Variants in SCLT1 observed in about 807,000 individuals in gnomAD.
SCLT1 encodes the protein sodium channel and clathrin linker 1.
SCLT1 carries 78 observed loss-of-function variants against 112.8 expected under a neutral mutation model. The observed-to-expected ratio is 0.69, with a 90% CI of 0.58 to 0.83. SCLT1 has a LOEUF of 0.83. Ranked by LOEUF, SCLT1 falls within the 40% of genes least tolerant of loss-of-function variation. The probability of loss-of-function intolerance (pLI) is 0.00; values close to 1 mark genes in which losing one functional copy is unlikely to be tolerated. For missense variants in SCLT1, 747 were observed against 770.4 expected (o/e 0.97, Z 0.36); for synonymous variants, 257 against 254.7 (o/e 1.01, Z -0.09).
At chr4:129,026,673 T>C (rs1746120430) in intron 5 of SCLT1, among the ~76,000 whole-genome samples, 2 of 152,114 alleles carry the variant, frequency 1.3e-5, no homozygotes, top group African/African-American at 4.8e-5. Flanking sequence ...ATTCAAAAGC[T>C]AGCAGAAGGC....
Position 128,943,039 on chromosome 4 carries a change from A to C in SCLT1, c.1589T>G (p.Leu530Ter), listed in dbSNP as rs779072100. 2 of 1,612,786 alleles carry C rather than the reference A, an allele frequency of 1.2e-6. No homozygotes were observed. Among genetic ancestry groups the C allele is most frequent in the African/African-American group, 2.7e-5 (2 of 74,832 alleles). The change falls in exon 17 of 21, where the codon TTA becomes TGA. Residue 530 changes from leucine to a stop codon, truncating the protein, a stop_gained. Transcript: ENST00000281142. LOFTEE classifies it high-confidence loss of function. ...TTGAGCCTCCAGGGCAATCTTCCTT[A>C]AACTCTCAGTCTCTTTCCGTAACTG... ...NKQLRKETES[L>*]RKIALEAQKK...
chr4:128,930,608 G>A (rs531619601), intron 18 of SCLT1, among the ~76,000 whole-genome samples: 8 of 152,136 alleles, frequency 5.3e-5, no homozygotes, highest in Non-Finnish European at 1.2e-4. Context: ...AATAGGACTC[G>A]GTTACTGAAA....
intron 9 of SCLT1, among the ~76,000 whole-genome samples, chr4:128,985,712 T>C (rs945874365): frequency 2.6e-5 from 4 of 152,194 alleles, no homozygotes; most frequent in Non-Finnish European, 5.9e-5. Flanking sequence ...CTTTTTGGCT[T>C]GTATTTAAAT....
intron 18 of SCLT1, among the ~76,000 whole-genome samples, chr4:128,896,474 G>A (rs949267109): frequency 6.6e-6 from 1 of 152,214 alleles, no homozygotes; most frequent in South Asian, 2.1e-4. Flanking sequence ...CTGACTGTCA[G>A]AAGGAAAACT....
At chr4:128,901,483 G>T (rs1331253494) in intron 18 of SCLT1, among the ~76,000 whole-genome samples, 1 of 148,828 alleles carries the variant, frequency 6.7e-6, no homozygotes, top group Non-Finnish European at 1.5e-5. Flanking sequence ...AGAACACAGG[G>T]ACACAGGAAG....
At position 128,965,267 on chromosome 4, in the gene SCLT1, A is replaced by C. The variant is rs1489233103; in HGVS notation, c.829T>G (p.Leu277Val). The change falls in exon 11 of 21, where the codon TTA becomes GTA. Residue 277 changes from leucine (L) to valine (V), a missense_variant. Leu to Val is a conservative substitution (Grantham distance 32). Transcript: ENST00000281142. ...HGREEASDRR[L>V]QQLQSSIKQL... The stretch of plus-strand genomic sequence containing the variant: ...TTTATACTAGACTGTAACTGCTGTA[A>C]ACGCCTATCTGATGCTTCCTCTCTT... 1.9e-6 allele frequency: 3 copies of C among 1,610,098 alleles called. No individual in the cohort carries two copies. The highest frequency in any genetic ancestry group is 1.7e-5 in the Admixed American group (1 of 59,930).
At chr4:128,954,011 C>T (rs1374002243) in intron 13 of SCLT1, among the ~76,000 whole-genome samples, 1 of 151,972 alleles carries the variant, frequency 6.6e-6, no homozygotes, top group Non-Finnish European at 1.5e-5. Context: ...TATTAATGTG[C>T]ACAGAGCATT....
chr4:129,037,005 T>G (rs952907272), intron 5 of SCLT1: 1 of 151,940 alleles, frequency 6.6e-6, no homozygotes, highest in Non-Finnish European at 1.5e-5. Flanking sequence ...TGGGTTAAAG[T>G]TAAGAAACTT....
intron 4 of SCLT1, chr4:129,039,813 C>T (rs528465965): frequency 4.0e-5 from 7 of 176,934 alleles, no homozygotes; most frequent in Non-Finnish European, 5.9e-5. Flanking sequence ...TTAAAGTTGG[C>T]GAAAATATGA....
At chr4:128,946,763 A>G (rs966001408) in intron 15 of SCLT1, among the ~76,000 whole-genome samples, 6 of 152,204 alleles carry the variant, frequency 3.9e-5, no homozygotes, top group African/African-American at 1.4e-4. Flanking sequence ...GCCATGGTGC[A>G]ATAACTAGAA....
chr4:129,013,463 T>G (rs1468023536), intron 5 of SCLT1, among the ~76,000 whole-genome samples: 1 of 152,254 alleles, frequency 6.6e-6, no homozygotes, highest in Non-Finnish European at 1.5e-5. Context: ...TTCCTTTCTG[T>G]ATTTAGTGCT....
intron 3 of SCLT1, among the ~76,000 whole-genome samples, chr4:128,876,875 G>A (rs1163034470): frequency 6.6e-6 from 1 of 152,168 alleles, no homozygotes; most frequent in African/African-American, 2.4e-5. Context: ...AGTCCTTTAT[G>A]AATTCTTCAA....
intron 18 of SCLT1, among the ~76,000 whole-genome samples, chr4:128,904,628 A>T (rs1734557399): frequency 6.6e-6 from 1 of 152,104 alleles, no homozygotes; most frequent in Non-Finnish European, 1.5e-5. Context: ...TTCTCAACTA[A>T]ATCATATTGT....
chr4:128,880,848 G>A (rs1183646947), downstream of SCLT1, among the ~76,000 whole-genome samples: 12 of 152,098 alleles, frequency 7.9e-5, no homozygotes, highest in Admixed American at 7.9e-4. Context: ...TTGGGGTGGG[G>A]AAAAGAGAAA....
chr4:128,928,788 C>T (rs963159992), intron 18 of SCLT1, among the ~76,000 whole-genome samples: 7 of 151,606 alleles, frequency 4.6e-5, no homozygotes, highest in Non-Finnish European at 7.4e-5. Context: ...GCTGAGATCG[C>T]GCCACTGCAC....
At chr4:129,015,284 G>A (rs537833257) in intron 5 of SCLT1, among the ~76,000 whole-genome samples, 1 of 152,108 alleles carries the variant, frequency 6.6e-6, no homozygotes, top group African/African-American at 2.4e-5. Flanking sequence ...GAGGGAGTGT[G>A]CAGGCTAGTG....
chr4:129,054,356 T>C (rs1442438210), intron 2 of SCLT1, among the ~76,000 whole-genome samples: 1 of 152,150 alleles, frequency 6.6e-6, no homozygotes, highest in African/African-American at 2.4e-5. Context: ...TCCAAGTTGG[T>C]TCCATTTTCT....
intron 9 of SCLT1, 173 bp from the exon 10 acceptor site, chr4:128,970,641 T>A: frequency 1.8e-6 from 1 of 557,396 alleles, no homozygotes; most frequent in Non-Finnish European, 3.2e-6. Context: ...ATGTAGAAGA[T>A]ATTAAAGAGG....
At chr4:129,060,588 C>T (rs1749874453) in intron 2 of SCLT1, among the ~76,000 whole-genome samples, 1 of 152,122 alleles carries the variant, frequency 6.6e-6, no homozygotes, top group Non-Finnish European at 1.5e-5. Context: ...GCTTCTTCAG[C>T]TGTAATTAAT....
Sources: gnomAD v4.1 joint callset for allele counts (sites outside exome capture counted in the v4.1 genomes callset) on GRCh38, gnomAD v4.1.1 for gene constraint, MANE v1.5 for transcripts, NCBI Gene and HGNC (gene_info 2026-07-23, HGNC 2026-07-21) for gene names.